Variants in CCDC83 observed in about 807,000 individuals in gnomAD.
CCDC83 encodes coiled-coil domain containing 83, also known as coiled-coil domain-containing protein 83.
Under a neutral mutation model 50.1 loss-of-function variants are expected in CCDC83, and 54 were observed. That is an observed-to-expected ratio of 1.08 (90% CI 0.87 to 1.35). CCDC83 has a LOEUF of 1.35. CCDC83 is among the 40% of genes most tolerant of loss of function. The pLI is 0.00. For missense variants in CCDC83, 518 were observed against 473.9 expected, an observed-to-expected ratio of 1.09 and a Z score of -0.86; for synonymous variants, 161 against 153.3, an observed-to-expected ratio of 1.05 and a Z score of -0.37.
intron 1 of CCDC83, among the ~76,000 whole-genome samples, chr11:85,857,044 G>A (rs1355695402): frequency 1.3e-5 from 2 of 152,176 alleles, no homozygotes; most frequent in Non-Finnish European, 2.9e-5. Flanking sequence ...CCAGATCGAG[G>A]CTTGGGCCCC....
rs57311708 is a variant in CCDC83 at position 85,917,164 on chromosome 11, G to GA, written c.1080+932dup. Among the ~76,000 whole-genome samples the GA allele has an allele frequency of 9.8e-4, 75 of 76,552 alleles. 2 individuals carry two copies. Among genetic ancestry groups the GA allele is most frequent in the African/African-American group, 3.0e-3 (64 of 21,466 alleles). The allele number at this position is 76,552 out of a possible 152,430, so 50.2% of individuals were successfully genotyped here. On this transcript the variant is annotated intron_variant, in intron 10 of 10. Coordinates refer to ENST00000342404, the MANE Select transcript of CCDC83 (RefSeq NM_001286159.2). ...AGAGAGAGAGAGAGAGAGAGAGAGA[G>GA]AGAGAAAGAAAGAAAGAAAGAAAGA...
At position 85,895,834 on chromosome 11, in the gene CCDC83, G is replaced by C. The variant is rs190563120; in HGVS notation, c.603+450G>C. ...CAGTGAATTTTTTCTTTTTTTTTGA[G>C]GCAGGATCTTGCTCTGTCGCCCAGG... On this transcript the variant is annotated intron_variant, in intron 6 of 10. Transcript: ENST00000342404. Among the ~76,000 whole-genome samples, 471 of 151,654 alleles carry C rather than the reference G, an allele frequency of 3.1e-3. 1 individual carries two copies. Among genetic ancestry groups the C allele is most frequent in the African/African-American group, 0.011 (444 of 41,346 alleles).
intron 3 of CCDC83, among the ~76,000 whole-genome samples, chr11:85,878,211 A>T (rs11234455): frequency 0.059 from 8,993 of 152,256 alleles, 388 homozygotes; most frequent in South Asian, 0.11. Context: ...CTCATAACAT[A>T]CTACAAAATC....
intron 7 of CCDC83, among the ~76,000 whole-genome samples, chr11:85,906,887 AAAATT>A (rs559473279): frequency 3.9e-4 from 57 of 147,598 alleles, no homozygotes; most frequent in Non-Finnish European, 5.8e-4. Flanking sequence ...CCTGTCTCAA[AAAATT>A]AAATTAAATT....
intron 2 of CCDC83, among the ~76,000 whole-genome samples, chr11:85,867,879 G>A (rs2093216523): frequency 6.6e-6 from 1 of 152,174 alleles, no homozygotes; most frequent in African/African-American, 2.4e-5. Flanking sequence ...ATAATCTCAT[G>A]GACTGGAACA....
intron 5 of CCDC83, among the ~76,000 whole-genome samples, chr11:85,894,514 C>T (rs1307408855): frequency 6.6e-6 from 1 of 152,096 alleles, no homozygotes; most frequent in Non-Finnish European, 1.5e-5. Flanking sequence ...CTGAATGTTA[C>T]CTCCTCAAAA....
At chr11:85,859,686 A>G (rs1332766620) in intron 1 of CCDC83, among the ~76,000 whole-genome samples, 2 of 152,248 alleles carry the variant, frequency 1.3e-5, no homozygotes, top group Non-Finnish European at 2.9e-5. Context: ...TGAATTAAAT[A>G]CTTAAATGTA....
At chr11:85,901,015 A>ACATC (rs1363105534) in intron 7 of CCDC83, among the ~76,000 whole-genome samples, 1 of 151,934 alleles carries the variant, frequency 6.6e-6, no homozygotes, top group Non-Finnish European at 1.5e-5. Flanking sequence ...CAATGAGCCA[A>ACATC]CATCCCATCA....
chr11:85,865,193 A>G lies in CCDC83; in HGVS notation c.70A>G (p.Thr24Ala). The change falls in exon 2 of 11, where the codon ACC becomes GCC. Residue 24 changes from threonine (T) to alanine (A), a missense_variant. Physicochemically the swap from Thr to Ala is moderately conservative, Grantham distance 58. Transcript: ENST00000342404. ...GCCACCAAAAGAAATTAAACTGCCT[A>G]CCAGTGAAGCACTTCTAGACTATCA... ...DGPPKEIKLP[T>A]SEALLDYQCQ... is the part of the protein sequence containing the mutation. 3 of 1,607,854 alleles carry G rather than the reference A, an allele frequency of 1.9e-6. No individual in the cohort carries two copies. Among genetic ancestry groups the G allele is most frequent in the Non-Finnish European group, 2.6e-6 (3 of 1,174,422 alleles).
chr11:85,856,420 TTTTTC>T (rs747593030), intron 1 of CCDC83, among the ~76,000 whole-genome samples: 1 of 152,192 alleles, frequency 6.6e-6, no homozygotes, highest in Non-Finnish European at 1.5e-5. Context: ...TTCATAGTTA[TTTTTC>T]TTTTCTTTGT....
intron 7 of CCDC83, among the ~76,000 whole-genome samples, chr11:85,902,836 T>C (rs2093408266): frequency 6.6e-6 from 1 of 152,202 alleles, no homozygotes; most frequent in East Asian, 1.9e-4. Flanking sequence ...CCATGGGTCA[T>C]AGTATACAGC....
At chr11:85,871,780 C>G (rs2093239075) in intron 2 of CCDC83, among the ~76,000 whole-genome samples, 1 of 152,092 alleles carries the variant, frequency 6.6e-6, no homozygotes, top group South Asian at 2.1e-4. Flanking sequence ...TCTTTAACTA[C>G]TCTTCACTCT....
intron 7 of CCDC83, among the ~76,000 whole-genome samples, chr11:85,906,192 A>G (rs1380675841): frequency 6.6e-6 from 1 of 151,438 alleles, no homozygotes; most frequent in East Asian, 2.0e-4. Flanking sequence ...CAGCCTCCCA[A>G]GTAGCTGGGA....
intron 2 of CCDC83, among the ~76,000 whole-genome samples, chr11:85,867,901 G>C (rs1300212399): frequency 1.3e-5 from 2 of 152,230 alleles, no homozygotes; most frequent in African/African-American, 4.8e-5. Flanking sequence ...CCAAGGCCTT[G>C]CTGTACCATG....
rs901019989 is a variant in CCDC83 at position 85,911,419 on chromosome 11, T to C, written c.794+17T>C. On this transcript the variant is annotated intron_variant, in intron 8 of 10. Transcript: ENST00000342404. Reference sequence around the variant, plus strand: ...GATACCCAGGTGAAAATTGTTAATATATAGAGAGTATTTTGTAAACATTTG... The same window carrying C: ...GATACCCAGGTGAAAATTGTTAATACATAGAGAGTATTTTGTAAACATTTG... 3 of 1,540,160 alleles carry C rather than the reference T, an allele frequency of 1.9e-6. No individual in the cohort carries two copies. Among genetic ancestry groups the C allele is most frequent in the South Asian group, 1.3e-5 (1 of 78,600 alleles).
intron 3 of CCDC83, among the ~76,000 whole-genome samples, chr11:85,881,068 C>G (rs2093296796): frequency 6.6e-6 from 1 of 152,090 alleles, no homozygotes; most frequent in Non-Finnish European, 1.5e-5. Context: ...TGTTAGTACT[C>G]AAGAAGTTTC....
intron 3 of CCDC83, among the ~76,000 whole-genome samples, chr11:85,875,292 C>A (rs1056658059): frequency 6.6e-6 from 1 of 152,150 alleles, no homozygotes; most frequent in East Asian, 1.9e-4. Flanking sequence ...AACAGGAAGG[C>A]GGGTTATCAA....
intron 4 of CCDC83, among the ~76,000 whole-genome samples, chr11:85,884,423 T>C (rs2093316653): frequency 6.6e-6 from 1 of 152,188 alleles, no homozygotes; most frequent in Non-Finnish European, 1.5e-5. Flanking sequence ...ATCCGCATTC[T>C]GACAAGATCC....
At chr11:85,907,396 T>G (rs1170270469) in intron 7 of CCDC83, among the ~76,000 whole-genome samples, 1 of 152,212 alleles carries the variant, frequency 6.6e-6, no homozygotes, top group Non-Finnish European at 1.5e-5. Context: ...AATGGAAAGC[T>G]GGAGAAACTA....
Sources: gnomAD v4.1 joint callset for allele counts (sites outside exome capture counted in the v4.1 genomes callset) on GRCh38, gnomAD v4.1.1 for gene constraint, MANE v1.5 for transcripts, NCBI Gene and HGNC (gene_info 2026-07-23, HGNC 2026-07-21) for gene names.